Variants in PDE10A observed in about 807,000 individuals in gnomAD.
The protein encoded by PDE10A is cAMP and cAMP-inhibited cGMP 3',5'-cyclic phosphodiesterase 10A.
A neutral mutation model predicts 97.7 loss-of-function variants in PDE10A; 39 were observed. The ratio of observed to expected loss-of-function variants is 0.40; its 90% CI spans 0.31 to 0.52. The LOEUF is 0.52. Ranked by LOEUF, PDE10A falls within the 20% of genes least tolerant of loss-of-function variation. The pLI is 0.56. For synonymous variants in PDE10A, 371 were observed against 376.8 expected (o/e 0.98, Z 0.18); for missense variants, 731 against 1,047.8 (o/e 0.70, Z 4.17).
At chr6:165,725,494 A>G (rs962322438) in intron 1 of PDE10A, among the ~76,000 whole-genome samples, 3 of 152,154 alleles carry the variant, frequency 2.0e-5, no homozygotes, top group Non-Finnish European at 4.4e-5. Flanking sequence ...CCACAACCCC[A>G]TCATACACCC....
intron 1 of PDE10A, among the ~76,000 whole-genome samples, chr6:165,646,666 C>T (rs961224059): frequency 6.6e-6 from 1 of 152,192 alleles, no homozygotes; most frequent in Non-Finnish European, 1.5e-5. Context: ...GAAAGACAGG[C>T]GAGCAGGAGT....
intron 1 of PDE10A, among the ~76,000 whole-genome samples, chr6:165,916,716 TAAAC>T (rs1289304275): frequency 1.2e-4 from 19 of 152,278 alleles, no homozygotes; most frequent in African/African-American, 2.6e-4. Context: ...TAAAAATAAA[TAAAC>T]AAAACAAAGC....
intron 1 of PDE10A, among the ~76,000 whole-genome samples, chr6:165,774,593 A>C (rs1032109899): frequency 5.4e-5 from 8 of 147,846 alleles, no homozygotes; most frequent in African/African-American, 1.7e-4. Context: ...CTATATGTAT[A>C]TAGTATATAA....
intron 1 of PDE10A, among the ~76,000 whole-genome samples, chr6:165,811,096 G>T (rs1184120504): frequency 6.6e-6 from 1 of 152,082 alleles, no homozygotes; most frequent in Non-Finnish European, 1.5e-5. Flanking sequence ...TGGTCCACGT[G>T]CCTGTAGTCC....
At chr6:165,411,466 A>T (rs1433850007) in intron 13 of PDE10A, among the ~76,000 whole-genome samples, 1 of 152,188 alleles carries the variant, frequency 6.6e-6, no homozygotes, top group Admixed American at 6.5e-5. Context: ...ACACAGGGAG[A>T]AGGCGGCCAT....
intron 1 of PDE10A, among the ~76,000 whole-genome samples, chr6:165,957,150 T>C (rs538396853): frequency 2.0e-5 from 3 of 152,216 alleles, no homozygotes; most frequent in African/African-American, 7.2e-5. Context: ...AAATTCTTCC[T>C]AACACCTTTA....
At chr6:165,577,186 T>G (rs781719918) in intron 1 of PDE10A, among the ~76,000 whole-genome samples, 5 of 152,214 alleles carry the variant, frequency 3.3e-5, no homozygotes, top group Non-Finnish European at 7.3e-5. Flanking sequence ...TGAAGCAGGT[T>G]TCTCTTACTT....
chr6:165,873,619 T>G (rs1781260104), intron 1 of PDE10A, among the ~76,000 whole-genome samples: 1 of 152,218 alleles, frequency 6.6e-6, no homozygotes, highest in Non-Finnish European at 1.5e-5. Flanking sequence ...TAAAAAAACT[T>G]ATTTGGGTTT....
intron 1 of PDE10A, among the ~76,000 whole-genome samples, chr6:165,830,228 G>A (rs1435898039): frequency 1.3e-5 from 2 of 152,156 alleles, no homozygotes; most frequent in Non-Finnish European, 2.9e-5. Context: ...TCCATGAAGT[G>A]CCTAGGGGAG....
intron 1 of PDE10A, among the ~76,000 whole-genome samples, chr6:165,744,094 C>A (rs1792791338): frequency 6.6e-6 from 1 of 152,086 alleles, no homozygotes; most frequent in South Asian, 2.1e-4. Flanking sequence ...TTTTTTACAA[C>A]CATTTAAAAA....
intron 1 of PDE10A, among the ~76,000 whole-genome samples, chr6:165,827,855 C>T (rs978532801): frequency 6.6e-6 from 1 of 152,166 alleles, no homozygotes; most frequent in Non-Finnish European, 1.5e-5. Flanking sequence ...CATTCTTACG[C>T]CTTTGCATCC....
chr6:165,977,158 C>A (rs1352801229), intron 1 of PDE10A, among the ~76,000 whole-genome samples: 1 of 152,132 alleles, frequency 6.6e-6, no homozygotes, highest in African/African-American at 2.4e-5. Flanking sequence ...CCAAATAAGA[C>A]CAGCAAGTGG....
chr6:165,334,486 T>A (rs1169123664), intron 21 of PDE10A, among the ~76,000 whole-genome samples: 2 of 151,830 alleles, frequency 1.3e-5, no homozygotes, highest in African/African-American at 4.8e-5. Flanking sequence ...GCACCGGGCA[T>A]GCACAGTCAG....
chr6:165,974,095 TA>T (rs1784777978), intron 1 of PDE10A, among the ~76,000 whole-genome samples: 1 of 152,238 alleles, frequency 6.6e-6, no homozygotes, highest in Admixed American at 6.5e-5. Flanking sequence ...TGTATACTGA[TA>T]TCACTAGTAG....
At chr6:165,724,193 T>G (rs1427316160) in intron 1 of PDE10A, among the ~76,000 whole-genome samples, 1 of 152,202 alleles carries the variant, frequency 6.6e-6, no homozygotes, top group Non-Finnish European at 1.5e-5. Context: ...ATTGGAAAGT[T>G]TATTTAAACT....
chr6:165,605,097 A>C (rs1305957815), intron 1 of PDE10A, among the ~76,000 whole-genome samples: 1 of 151,892 alleles, frequency 6.6e-6, no homozygotes, highest in Non-Finnish European at 1.5e-5. Flanking sequence ...TCATTGCTTC[A>C]TTTTGCTCAT....
At chr6:165,703,386 G>A (rs759235355) in intron 1 of PDE10A, among the ~76,000 whole-genome samples, 4 of 152,184 alleles carry the variant, frequency 2.6e-5, no homozygotes, top group Non-Finnish European at 5.9e-5. Flanking sequence ...AGTTGTAAAA[G>A]GGTTTTGTAA....
At chr6:165,668,489 T>C (rs1790551498) in intron 1 of PDE10A, among the ~76,000 whole-genome samples, 1 of 152,194 alleles carries the variant, frequency 6.6e-6, no homozygotes, top group African/African-American at 2.4e-5. Flanking sequence ...CTTGCAAACA[T>C]TTTAAATTTT....
chr6:165,438,137 C>A (rs1453332814), intron 5 of PDE10A, among the ~76,000 whole-genome samples: 1 of 152,142 alleles, frequency 6.6e-6, no homozygotes, highest in African/African-American at 2.4e-5. Flanking sequence ...ACTCATTGAA[C>A]TGCCACCTTC....
Sources: allele counts gnomAD v4.1 joint callset (sites outside exome capture counted in the v4.1 genomes callset), GRCh38; gene constraint gnomAD v4.1.1; transcripts MANE v1.5; gene names NCBI Gene and HGNC (gene_info 2026-07-23, HGNC 2026-07-21).